Variants in SLC39A11 observed in about 807,000 individuals in gnomAD.
SLC39A11 encodes the protein zinc transporter ZIP11.
A neutral mutation model predicts 36.1 loss-of-function variants in SLC39A11; 33 were observed. The ratio of observed to expected loss-of-function variants is 0.91; its 90% CI spans 0.69 to 1.22. SLC39A11 has a LOEUF of 1.22. SLC39A11 is among the 50% of genes most tolerant of loss of function. SLC39A11 has a pLI of 0.00. For missense variants in SLC39A11, 432 were observed against 430.3 expected, an observed-to-expected ratio of 1.00 and a Z score of -0.03; for synonymous variants, 166 against 170.3, an observed-to-expected ratio of 0.97 and a Z score of 0.20.
intron 4 of SLC39A11, among the ~76,000 whole-genome samples, chr17:72,976,169 CAAAAAAAAA>C (rs71154939): frequency 2.9e-5 from 2 of 68,376 alleles, no homozygotes; most frequent in African/African-American, 1.2e-4. Flanking sequence ...GACTCCATCT[CAAAAAAAAA>C]AAAAAAAAAA....
chr17:73,058,958 T>TA (rs369811634), intron 3 of SLC39A11, among the ~76,000 whole-genome samples: 4,279 of 148,958 alleles, frequency 0.029, 103 homozygotes, highest in African/African-American at 0.068. Context: ...TAATAACTGT[T>TA]AAAAAAAAAA....
intron 5 of SLC39A11, among the ~76,000 whole-genome samples, chr17:72,921,627 G>A (rs1388376217): frequency 6.6e-6 from 1 of 152,170 alleles, no homozygotes; most frequent in Non-Finnish European, 1.5e-5. Flanking sequence ...CATATTGCTG[G>A]AATAAAGATC....
chr17:72,934,579 T>C (rs923809550), intron 5 of SLC39A11, among the ~76,000 whole-genome samples: 2 of 152,084 alleles, frequency 1.3e-5, no homozygotes, highest in African/African-American at 4.8e-5. Flanking sequence ...GGCAGGAGAA[T>C]TGCTTGAACC....
chr17:72,737,795 C>T (rs2074495686), intron 6 of SLC39A11, among the ~76,000 whole-genome samples: 1 of 152,084 alleles, frequency 6.6e-6, no homozygotes. Context: ...ACGCCCATCC[C>T]TAGATCCATC....
intron 5 of SLC39A11, among the ~76,000 whole-genome samples, chr17:72,899,960 AAAAGAAAGAGAGAGAGAGAGAG>A (rs2082235027): frequency 1.4e-5 from 2 of 145,024 alleles, no homozygotes; most frequent in Middle Eastern, 3.5e-3. Flanking sequence ...AGATTCTGAA[AAAAGAAAGAGAGAGAGAGAGAG>A]AAAGAAAGAG....
At chr17:72,923,182 C>T (rs1000992718) in intron 5 of SLC39A11, among the ~76,000 whole-genome samples, 2 of 151,978 alleles carry the variant, frequency 1.3e-5, no homozygotes, top group African/African-American at 4.8e-5. Flanking sequence ...AAGACTTATA[C>T]ATCCCTGCAC....
chr17:73,082,931 G>C (rs185099896), intron 3 of SLC39A11, among the ~76,000 whole-genome samples: 128 of 144,636 alleles, frequency 8.8e-4, no homozygotes, highest in African/African-American at 3.2e-3. Context: ...CAGGGGAATT[G>C]TTTGAACTCG....
intron 7 of SLC39A11, among the ~76,000 whole-genome samples, chr17:72,677,869 A>C (rs2071341585): frequency 6.6e-6 from 1 of 152,162 alleles, no homozygotes; most frequent in South Asian, 2.1e-4. Context: ...GAGGGAGAGA[A>C]GGCTACCGAC....
chr17:73,078,237 C>T (rs552054502), intron 3 of SLC39A11, among the ~76,000 whole-genome samples: 19 of 120,228 alleles, frequency 1.6e-4, no homozygotes, highest in Non-Finnish European at 2.8e-4. Flanking sequence ...GACTCCGTCT[C>T]AGGAAAAAAA....
chr17:72,722,879 A>T (rs1598450627), intron 7 of SLC39A11, among the ~76,000 whole-genome samples: 1 of 151,992 alleles, frequency 6.6e-6, no homozygotes. Flanking sequence ...CAAGTGATCC[A>T]CCAGCCTCGA....
chr17:72,889,536 CAAA>C (rs10536927), intron 5 of SLC39A11, among the ~76,000 whole-genome samples: 42 of 140,820 alleles, frequency 3.0e-4, no homozygotes, highest in East Asian at 4.0e-4. Context: ...GACTCCATCT[CAAA>C]AAAAAAAAAA....
chr17:72,768,915 C>A (rs947760461), intron 6 of SLC39A11, among the ~76,000 whole-genome samples: 1 of 152,046 alleles, frequency 6.6e-6, no homozygotes, highest in African/African-American at 2.4e-5. Flanking sequence ...CGCCCGCCAC[C>A]ACGCTCGGCT....
intron 5 of SLC39A11, among the ~76,000 whole-genome samples, chr17:72,895,031 T>C (rs1040132303): frequency 6.6e-6 from 1 of 150,676 alleles, no homozygotes; most frequent in African/African-American, 2.5e-5. Flanking sequence ...ATTTGCTTCA[T>C]TGATTAACTT....
At chr17:72,687,612 C>T (rs937008237) in intron 7 of SLC39A11, among the ~76,000 whole-genome samples, 11 of 152,160 alleles carry the variant, frequency 7.2e-5, no homozygotes, top group African/African-American at 2.7e-4. Flanking sequence ...CTGTAGAACT[C>T]TGTGGGAGGC....
At chr17:72,900,398 TTATGAGGATGCAGGATTATGAGGATG>T (rs2082331654) in intron 5 of SLC39A11, among the ~76,000 whole-genome samples, 1 of 24,142 alleles carries the variant, frequency 4.1e-5, no homozygotes, top group East Asian at 3.0e-3. Flanking sequence ...GGTGCCAGGA[TTATGAGGATGCAGGATTATGAGGATG>T]TATGAGGATC....
At chr17:72,917,200 T>C (rs1289759673) in intron 5 of SLC39A11, among the ~76,000 whole-genome samples, 4 of 152,218 alleles carry the variant, frequency 2.6e-5, no homozygotes. Flanking sequence ...ACACACGTGG[T>C]TAACACACAC....
intron 5 of SLC39A11, among the ~76,000 whole-genome samples, chr17:72,871,020 G>A (rs542795296): frequency 2.5e-4 from 37 of 150,226 alleles, no homozygotes; most frequent in African/African-American, 8.8e-4. Flanking sequence ...GCCCTTTTCT[G>A]GTTTTTGGTT....
chr17:72,919,188 CCA>C (rs1475690907), intron 5 of SLC39A11, among the ~76,000 whole-genome samples: 2 of 152,102 alleles, frequency 1.3e-5, no homozygotes, highest in African/African-American at 4.8e-5. Context: ...TGTTAATGTG[CCA>C]CAGCATGATC....
At chr17:72,863,833 G>A (rs750374598) in intron 5 of SLC39A11, among the ~76,000 whole-genome samples, 14 of 152,186 alleles carry the variant, frequency 9.2e-5, no homozygotes, top group Non-Finnish European at 1.9e-4. Context: ...GTCTTAATAC[G>A]AAGCTCAAGG....
Sources: allele counts gnomAD v4.1 joint callset (sites outside exome capture counted in the v4.1 genomes callset), GRCh38; gene constraint gnomAD v4.1.1; transcripts MANE v1.5; gene names NCBI Gene and HGNC (gene_info 2026-07-23, HGNC 2026-07-21).